The following GRIK1 variants were observed in gnomAD, a reference collection of about 807,000 sequenced individuals.
The protein encoded by GRIK1 is glutamate receptor ionotropic, kainate 1.
A neutral mutation model predicts 105.7 loss-of-function variants in GRIK1; 69 were observed. The ratio of observed to expected loss-of-function variants is 0.65; its 90% confidence interval spans 0.54 to 0.80. GRIK1 has a LOEUF of 0.80. Among genes scored for constraint, GRIK1 ranks in the 30% least tolerant of loss-of-function variants. The probability of loss-of-function intolerance (pLI) is 0.00; values close to 1 mark genes in which losing one functional copy is unlikely to be tolerated. For synonymous variants in GRIK1, 438 were observed against 431.3 expected (o/e 1.02, Z -0.19); for missense variants, 1,109 against 1,167.3 (o/e 0.95, Z 0.73).
intron 15 of GRIK1, among the ~76,000 whole-genome samples, chr21:29,560,361 C>CTTTCTTTTTT (rs1568813547): frequency 1.1e-4 from 4 of 35,212 alleles, no homozygotes; most frequent in Admixed American, 3.3e-4. Context: ...CTTTCTTTTT[C>CTTTCTTTTTT]TTTCTTCCTT....
At chr21:29,865,114 TC>T (rs1267982852) in intron 1 of GRIK1, among the ~76,000 whole-genome samples, 1 of 152,236 alleles carries the variant, frequency 6.6e-6, no homozygotes, top group Non-Finnish European at 1.5e-5. Flanking sequence ...AGGACTTTTT[TC>T]CCTTGTGTCT....
intron 4 of GRIK1, among the ~76,000 whole-genome samples, chr21:29,669,818 G>A (rs1048247466): frequency 1.3e-5 from 2 of 152,154 alleles, no homozygotes; most frequent in East Asian, 3.9e-4. Flanking sequence ...TTAGTGGAAT[G>A]GCAGCCAGAA....
At chr21:29,909,403 G>T (rs466148) in intron 1 of GRIK1, among the ~76,000 whole-genome samples, 35,363 of 151,092 alleles carry the variant, frequency 0.23, 4,933 homozygotes, top group African/African-American at 0.39. Context: ...AGAGATCTCT[G>T]GTCATTAATA....
At position 29,827,995 on chromosome 21, in the gene GRIK1, CTCTCTCTGTCTCTCTCTGTG is replaced by C. The variant is rs762449434; in HGVS notation, c.118+111368_118+111387del. ...TTAGGATCTCTCTCTCTCTCTCTCT[CTCTCTCTGTCTCTCTCTGTG>C]TGTGTGTGTGTGTGTGTGTGGGTGT... On this transcript the variant is annotated intron_variant, in intron 1 of 17. Transcript: ENST00000327783. Among the ~76,000 whole-genome samples, 11 of 117,928 alleles carry C rather than the reference CTCTCTCTGTCTCTCTCTGTG, an allele frequency of 9.3e-5. No homozygotes were observed. The Admixed American group carries it at 9.5e-4, about 10-fold the overall frequency. The allele number at this position is 117,928 out of a possible 152,430, so 77.4% of individuals were successfully genotyped here. A position where few individuals can be genotyped will look rare whatever the true frequency, so the allele number is the denominator to read the frequency against.
At chr21:29,901,618 G>A (rs191709016) in intron 1 of GRIK1, among the ~76,000 whole-genome samples, 135 of 152,068 alleles carry the variant, frequency 8.9e-4, no homozygotes, top group Middle Eastern at 3.4e-3. Flanking sequence ...CTCTGAAAAG[G>A]CCAATAACAG....
At chr21:29,763,594 G>A (rs981681623) in intron 1 of GRIK1, 6 of 152,332 alleles carry the variant, frequency 3.9e-5, no homozygotes, top group Admixed American at 3.9e-4. Flanking sequence ...AGAGCCAGGA[G>A]GGTGGCTGAC....
intron 14 of GRIK1, among the ~76,000 whole-genome samples, chr21:29,571,168 G>T (rs1467278295): frequency 1.3e-5 from 2 of 151,986 alleles, no homozygotes; most frequent in Non-Finnish European, 2.9e-5. Flanking sequence ...CTGAGATGGT[G>T]AAACACCCTG....
At chr21:29,757,482 TTTAA>T (rs1311340731) in intron 1 of GRIK1, among the ~76,000 whole-genome samples, 1 of 152,256 alleles carries the variant, frequency 6.6e-6, no homozygotes, top group Non-Finnish European at 1.5e-5. Flanking sequence ...AATCTGCCAA[TTTAA>T]TTAACTAGCA....
intron 15 of GRIK1, among the ~76,000 whole-genome samples, chr21:29,558,077 T>A (rs1295840555): frequency 6.6e-6 from 1 of 152,136 alleles, no homozygotes; most frequent in African/African-American, 2.4e-5. Context: ...AATGCTCTTA[T>A]TCTCTCAGAG....
intron 1 of GRIK1, among the ~76,000 whole-genome samples, chr21:29,829,575 T>C (rs2067569121): frequency 6.6e-6 from 1 of 152,168 alleles, no homozygotes; most frequent in Admixed American, 6.6e-5. Context: ...TAGCAAGCAG[T>C]GCCACTCAGT....
chr21:29,561,657 C>G lies in GRIK1; in HGVS notation c.2323G>C (p.Asp775His), dbSNP rs2090482640. 1 of 1,613,614 alleles carries G rather than the reference C, an allele frequency of 6.2e-7. No individual in the cohort carries two copies. Among genetic ancestry groups the G allele is most frequent in the Admixed American group, 1.7e-5 (1 of 60,002 alleles). ...GTTCCCACTCCGTAACCTTTGGAGT[C>G]AATGAGGCCCCCGATCTGAGTGAGG... Reference protein sequence around the residue: ...CNLTQIGGLIDSKGYGVGTPI... With the variant: ...CNLTQIGGLIHSKGYGVGTPI... Residue 775 changes from aspartate to histidine, a missense_variant, in exon 15 of 18, where the codon GAC becomes CAC. By Grantham distance (81) the Asp-to-His change is moderately conservative. Around this residue, in one of 5 missense-constraint regions of GRIK1, gnomAD observed 264 missense variants for 306.9 expected, o/e 0.86. Coordinates refer to ENST00000327783, the MANE Select transcript of GRIK1 (RefSeq NM_001330994.2).
At chr21:29,690,119 T>A in intron 2 of GRIK1, 134 bp from the exon 3 acceptor site, 1 of 713,172 alleles carries the variant, frequency 1.4e-6, no homozygotes. Flanking sequence ...TCTTTTACAA[T>A]CCCTGTCTGC....
intron 1 of GRIK1, among the ~76,000 whole-genome samples, chr21:29,733,229 A>G (rs940709684): frequency 4.6e-5 from 7 of 152,206 alleles, no homozygotes; most frequent in African/African-American, 1.7e-4. Context: ...AGCCTTATCC[A>G]GAGCTGGTTA....
chr21:29,711,888 A>C (rs1207612281), intron 1 of GRIK1, among the ~76,000 whole-genome samples: 1 of 151,708 alleles, frequency 6.6e-6, no homozygotes, highest in Non-Finnish European at 1.5e-5. Flanking sequence ...TATGTTACTG[A>C]AAATAAAAAG....
At chr21:29,591,424 A>G (rs551222565) in intron 9 of GRIK1, among the ~76,000 whole-genome samples, 199 bp from the exon 10 acceptor site, 1 of 149,044 alleles carries the variant, frequency 6.7e-6, no homozygotes, top group South Asian at 2.1e-4. Context: ...TATCTGTGCT[A>G]TTGGGGGCAG....
intron 1 of GRIK1, among the ~76,000 whole-genome samples, chr21:29,910,617 T>C (rs2070781147): frequency 6.6e-6 from 1 of 152,134 alleles, no homozygotes; most frequent in East Asian, 1.9e-4. Flanking sequence ...GGCACAGGTT[T>C]CATACTAGGA....
intron 1 of GRIK1, among the ~76,000 whole-genome samples, chr21:29,736,823 G>A (rs375963772): frequency 9.9e-5 from 15 of 151,678 alleles, no homozygotes; most frequent in Admixed American, 3.9e-4. Context: ...GATTACAGGC[G>A]CCCACCACCA....
rs779985372 is a variant in GRIK1, at chr21:29,596,505, A to C, written c.1251+21T>G. 7.1e-6 allele frequency: 11 copies of C among 1,553,426 alleles called. No individual in the cohort carries two copies. The East Asian group carries it at 2.5e-4, about 35-fold the overall frequency. ...CCCATCCCACCCCCAGGTTTCCTGC[A>C]GTTGTTGTCAGAGTACAAACCTTCT... On this transcript the variant is annotated intron_variant, in intron 9 of 17. Coordinates refer to ENST00000327783, the MANE Select transcript of GRIK1 (RefSeq NM_001330994.2).
chr21:29,600,946 A>G (rs2061506671), intron 7 of GRIK1, among the ~76,000 whole-genome samples: 1 of 152,236 alleles, frequency 6.6e-6, no homozygotes, highest in African/African-American at 2.4e-5. Flanking sequence ...TAATGGATTC[A>G]TTCTACCTAC....
Sources: gnomAD v4.1 joint callset for allele counts (sites outside exome capture counted in the v4.1 genomes callset) on GRCh38, gnomAD v4.1.1 for gene constraint, gnomAD v4.1.1 regional missense constraint, MANE v1.5 for transcripts, NCBI Gene and HGNC (gene_info 2026-07-23, HGNC 2026-07-21) for gene names.